MLXIP: variants seen among roughly 807,000 people sequenced by gnomAD.
The protein encoded by MLXIP is MLX-interacting protein.
A neutral mutation model predicts 87.2 loss-of-function variants in MLXIP; 30 were observed. The observed-to-expected ratio is 0.34, with a 90% confidence interval of 0.26 to 0.47. The LOEUF (loss-of-function observed/expected upper bound fraction) is 0.47, where lower values mean the gene tolerates loss of function less well. MLXIP is among the 20% of genes least tolerant of loss of function. The pLI, the probability that MLXIP is intolerant of heterozygous loss-of-function variation, is 1.00. For synonymous variants in MLXIP, 530 were observed against 514.0 expected (o/e 1.03, Z -0.42); for missense variants, 1,002 against 1,240.1 (o/e 0.81, Z 2.88).
chr12:122,093,498 GGT>G (rs1327677043), intron 1 of MLXIP, among the ~76,000 whole-genome samples: 4 of 144,112 alleles, frequency 2.8e-5, no homozygotes, highest in African/African-American at 1.0e-4. Context: ...GTGTGTGTGC[GGT>G]GTCTGTGTTG....
intron 15 of MLXIP, among the ~76,000 whole-genome samples, chr12:122,139,415 A>G (rs1056145602): frequency 3.3e-5 from 5 of 152,192 alleles, no homozygotes; most frequent in African/African-American, 9.7e-5. Flanking sequence ...TCTCGTGCCA[A>G]GGCCACCTTG....
chr12:122,130,170 C>T, intron 6 of MLXIP, 58 bp downstream of exon 6: 1 of 1,534,800 alleles, frequency 6.5e-7, no homozygotes, highest in Non-Finnish European at 8.8e-7. Flanking sequence ...CTCTGCCAGG[C>T]CCCCTCTGGG....
chr12:122,110,786 A>G (rs929021016), intron 1 of MLXIP, among the ~76,000 whole-genome samples: 2 of 151,618 alleles, frequency 1.3e-5, no homozygotes, highest in African/African-American at 4.8e-5. Flanking sequence ...AGAAAAAAAA[A>G]TAAAAAAAGG....
intron 1 of MLXIP, 53 bp from the exon 2 acceptor site, chr12:122,127,203 C>G (rs142725289): frequency 5.6e-4 from 795 of 1,410,766 alleles, no homozygotes; most frequent in Non-Finnish European, 7.5e-4. Flanking sequence ...TTTGTAATTT[C>G]ACTTCAATTT....
chr12:122,126,640 A>G (rs188267397), intron 1 of MLXIP, among the ~76,000 whole-genome samples: 43 of 152,346 alleles, frequency 2.8e-4, no homozygotes, highest in African/African-American at 9.6e-4. Context: ...ACCAGGTCAC[A>G]GGAGCCTGGT....
rs751987731 is a variant in MLXIP, at chr12:122,133,591, A to G, written c.1336A>G (p.Ile446Val). ...LLSPSPAPPP[I>V]SPVLPLVPPP... ...GTCTCCCAGCCCCGCCCCACCGCCC[A>G]TCTCCCCCGTGTTACCATTAGTTCC... The change falls in exon 9 of 17, where the codon ATC becomes GTC. Residue 446 changes from isoleucine to valine, a missense_variant. This residue lies in a region of MLXIP where 746 missense variants were observed against 897.0 expected (regional missense o/e 0.83). Transcript: ENST00000319080. This position sits in a 1 kb window ranked among gnomAD's most constrained non-coding sequence, Gnocchi z 4.9. 1.5e-6 allele frequency: 2 copies of G among 1,338,394 alleles called. No homozygotes were observed. Among genetic ancestry groups the G allele is most frequent in the East Asian group, 3.3e-5 (1 of 29,852 alleles). The allele number at this position is 1,338,394 out of a possible 1,614,324, so 82.9% of individuals were successfully genotyped here. A position where few individuals can be genotyped will look rare whatever the true frequency, so the allele number is the denominator to read the frequency against.
Position 122,138,899 on chromosome 12 carries a change from C to G in MLXIP, c.2469C>G (p.Tyr823Ter). 2 of 1,614,056 alleles carry G rather than the reference C, an allele frequency of 1.2e-6. No homozygotes were observed. The change falls in exon 15 of 17, where the codon TAC becomes TAG. Residue 823 changes from tyrosine to a stop codon, truncating the protein, a stop_gained. Coordinates refer to ENST00000319080, the MANE Select transcript of MLXIP (RefSeq NM_014938.6). LOFTEE classifies it high-confidence loss of function. ...ACATGAAAGACATGTTTGACGAATA[C>G]GTGAAAACCCGGACCTTGCAGAATT... ...FDHMKDMFDE[Y>*]VKTRTLQNWK...
chr12:122,119,633 C>G (rs906611831), intron 1 of MLXIP, among the ~76,000 whole-genome samples: 1 of 152,178 alleles, frequency 6.6e-6, no homozygotes, highest in African/African-American at 2.4e-5. Context: ...CCTTGTGATC[C>G]ACCCTCCTCG....
Position 122,078,781 on chromosome 12 carries a change from C to G in MLXIP, c.-73C>G. 2 of 1,020,870 alleles carry G rather than the reference C, an allele frequency of 2.0e-6. No individual in the cohort carries two copies. The highest frequency in any genetic ancestry group is 1.2e-6 in the Non-Finnish European group (1 of 854,548). 63.2% of individuals were successfully genotyped at this position (1,020,870 alleles called of 1,614,324 possible). ...AGTCGGCGCGCGGGCCGGGCCGGGC[C>G]GGCGCCCCTCTGCCTCGCGCGCTTG... On this transcript the variant is annotated 5_prime_UTR_variant, in exon 1 of 17. Coordinates refer to ENST00000319080, the MANE Select transcript of MLXIP (RefSeq NM_014938.6).
chr12:122,138,830 G>T lies in MLXIP; in HGVS notation c.2400G>T (p.Leu800=). The change falls in exon 15 of 17, where the codon CTG becomes CTT. Residue 800 remains leucine (L), a synonymous_variant. Transcript: ENST00000319080. The stretch of plus-strand genomic sequence containing the variant: ...GTCATTTCAGCTCCTGCCAGCAGCT[G>T]CTCCCTGCCACGGGAGTCCCCGTTA... ...LNATIISCQQ[L]LPATGVPVTR... is the part of the protein sequence containing the mutation. 1 of 1,613,778 alleles carries T rather than the reference G, an allele frequency of 6.2e-7. No individual in the cohort carries two copies. Among genetic ancestry groups the T allele is most frequent in the Non-Finnish European group, 8.5e-7 (1 of 1,179,856 alleles).
rs1593126918 is a variant in MLXIP at position 122,144,633 on chromosome 12, C to G, written c.*2821C>G. On this transcript the variant is annotated 3_prime_UTR_variant, in exon 17 of 17. Transcript: ENST00000319080. The stretch of plus-strand genomic sequence containing the variant: ...GACTGTGGTGGCTCACGCCTGTAAT[C>G]CCAGCACTTTGGTAGGCCAAGGCGG... The G allele has an allele frequency of 6.6e-6, 1 of 152,084 alleles. No homozygotes were observed. The highest frequency in any genetic ancestry group is 2.4e-5 in the African/African-American group (1 of 41,382). 9.4% of individuals were successfully genotyped at this position (152,084 alleles called of 1,614,324 possible).
intron 6 of MLXIP, 92 bp from the exon 7 acceptor site, chr12:122,130,752 C>G (rs1181471733): frequency 2.3e-6 from 2 of 869,474 alleles, no homozygotes; most frequent in Admixed American, 1.8e-5. Context: ...GGGATGTGAG[C>G]AGGGCCAGGA....
chr12:122,088,217 G>C (rs1009632034), intron 1 of MLXIP, among the ~76,000 whole-genome samples: 69 of 152,154 alleles, frequency 4.5e-4, no homozygotes, highest in African/African-American at 1.6e-3. Flanking sequence ...GGGAGGCTTT[G>C]GAGTTTGGAG....
In MLXIP at chr12:122,133,999, G is replaced by A. The variant is rs372653221; in HGVS notation, c.1732+12G>A. On this transcript the variant is annotated intron_variant, in intron 9 of 16. Transcript: ENST00000319080. The surrounding 1 kb of genome is among the most constrained non-coding windows in gnomAD (Gnocchi z 4.9). Reference sequence around the variant, plus strand: ...CCGTATCGCCCCAGGTGAGCCAGGCGGGGAGACTCAGTGCGGGGCTCCCCC... The same window carrying A: ...CCGTATCGCCCCAGGTGAGCCAGGCAGGGAGACTCAGTGCGGGGCTCCCCC... The A allele has an allele frequency of 5.0e-5, 80 of 1,587,926 alleles. No homozygotes were observed. The Middle Eastern group carries it at 1.7e-3, about 33-fold the overall frequency.
chr12:122,103,941 C>T (rs1230788337), intron 1 of MLXIP, among the ~76,000 whole-genome samples: 2 of 151,396 alleles, frequency 1.3e-5, no homozygotes, highest in African/African-American at 2.4e-5. Flanking sequence ...TCCCAAAGTG[C>T]GGAGATTACA....
At chr12:122,113,917 C>G (rs1228284758) in intron 1 of MLXIP, among the ~76,000 whole-genome samples, 1 of 151,186 alleles carries the variant, frequency 6.6e-6, no homozygotes, top group Non-Finnish European at 1.5e-5. Flanking sequence ...GAACTCCTGA[C>G]CTCGTGATCC....
At chr12:122,134,480 C>T in intron 9 of MLXIP, 1 of 158,434 alleles carries the variant, frequency 6.3e-6, no homozygotes, top group South Asian at 1.9e-4. Flanking sequence ...GATTCTCCTG[C>T]CTCAGCCTCC....
intron 1 of MLXIP, among the ~76,000 whole-genome samples, chr12:122,123,725 G>A (rs540367468): frequency 2.6e-5 from 4 of 152,158 alleles, no homozygotes; most frequent in Admixed American, 1.3e-4. Flanking sequence ...TTTCTGAGAC[G>A]GTCTTGCTCT....
rs768637605 is a variant in MLXIP at position 122,135,308 on chromosome 12, A to G, written c.1817A>G (p.Gln606Arg). The change falls in exon 10 of 17, where the codon CAG (glutamine) becomes CGG (arginine). Residue 606 changes from glutamine (Q) to arginine (R), a missense_variant. By Grantham distance (43) the Gln-to-Arg change is conservative. This residue lies in a region of MLXIP where 746 missense variants were observed against 897.0 expected (regional missense o/e 0.83). Transcript: ENST00000319080. This position sits in a 1 kb window ranked among gnomAD's most constrained non-coding sequence, Gnocchi z 5.3. ...REGMLASTVS[Q>R]SNVVIAPAAI... ...GGGATGTTGGCCTCCACCGTGTCCC[A>G]GTCCAACGTGGTCATTGCGCCTGCT... 3 of 1,613,740 alleles carry G rather than the reference A, an allele frequency of 1.9e-6. No homozygotes were observed. The highest frequency in any genetic ancestry group is 1.7e-5 in the Admixed American group (1 of 60,026).
Sources: allele counts gnomAD v4.1 joint callset (sites outside exome capture counted in the v4.1 genomes callset), GRCh38; gene constraint gnomAD v4.1.1; regional missense constraint gnomAD v4.1.1; non-coding constraint Gnocchi (gnomAD v3.1); transcripts MANE v1.5; gene names NCBI Gene and HGNC (gene_info 2026-07-23, HGNC 2026-07-21).